The following POU6F2 variants were observed in gnomAD, a reference collection of about 807,000 sequenced individuals.
POU6F2 encodes POU class 6 homeobox 2.
Under a neutral mutation model 71.3 loss-of-function variants are expected in POU6F2, and 31 were observed. That is an observed-to-expected ratio of 0.43 (90% CI 0.33 to 0.59). The LOEUF is 0.59. Among genes scored for constraint, POU6F2 ranks in the 20% least tolerant of loss-of-function variants. The pLI is 0.04. For missense variants in POU6F2, 783 were observed against 856.8 expected (o/e 0.91, Z 1.07); for synonymous variants, 347 against 355.7 (o/e 0.98, Z 0.27).
chr7:39,368,810 A>G (rs373142942), intron 5 of POU6F2, among the ~76,000 whole-genome samples: 3 of 152,200 alleles, frequency 2.0e-5, no homozygotes, highest in South Asian at 2.1e-4. Context: ...TAAATGAAAC[A>G]ACAAAGCCTG....
chr7:39,022,955 C>A (rs2128707012), intron 1 of POU6F2, among the ~76,000 whole-genome samples: 1 of 152,198 alleles, frequency 6.6e-6, no homozygotes, highest in African/African-American at 2.4e-5. Context: ...TTTACACACT[C>A]AACAGTAGTG....
At chr7:39,124,570 T>C (rs73365514) in intron 2 of POU6F2, among the ~76,000 whole-genome samples, 4,963 of 152,224 alleles carry the variant, frequency 0.033, 264 homozygotes, top group African/African-American at 0.11. Context: ...AGAGTTTAAT[T>C]ATATTATTCT....
At chr7:39,175,815 C>T (rs1474836562) in intron 2 of POU6F2, among the ~76,000 whole-genome samples, 1 of 152,108 alleles carries the variant, frequency 6.6e-6, no homozygotes, top group Non-Finnish European at 1.5e-5. Flanking sequence ...TCCTCACATT[C>T]ACTCAGAAGA....
rs1279609673 is a variant in POU6F2 at position 39,268,474 on chromosome 7, G to A, written c.598+60854G>A. The stretch of plus-strand genomic sequence containing the variant: ...TGACTTTCAGTGGCTTTTTTTAAGC[G>A]GAGAGATAGAACTGCTGTTAAGTTG... On this transcript the variant is annotated intron_variant, in intron 4 of 9. Coordinates refer to ENST00000518318, the MANE Select transcript of POU6F2 (RefSeq NM_001370959.1). 3.9e-5 allele frequency among the ~76,000 whole-genome samples: 6 copies of A among 152,068 alleles called. 1 individual carries two copies. The highest frequency in any genetic ancestry group is 7.4e-5 in the Non-Finnish European group (5 of 68,022).
At chr7:39,201,364 C>T (rs548091607) in intron 2 of POU6F2, among the ~76,000 whole-genome samples, 16 of 152,132 alleles carry the variant, frequency 1.1e-4, no homozygotes, top group African/African-American at 3.9e-4. Context: ...TGGAATTTGC[C>T]AATAAGCTAA....
At chr7:39,178,187 G>A (rs1584584800) in intron 2 of POU6F2, among the ~76,000 whole-genome samples, 1 of 152,252 alleles carries the variant, frequency 6.6e-6, no homozygotes, top group African/African-American at 2.4e-5. Context: ...TCAGGTGGCA[G>A]AGGTTGCAGT....
intron 3 of POU6F2, among the ~76,000 whole-genome samples, chr7:39,207,097 A>AG (rs1794027881): frequency 6.6e-6 from 1 of 152,244 alleles, no homozygotes; most frequent in African/African-American, 2.4e-5. Context: ...ATATATGAAG[A>AG]TAGGATCAAA....
intron 6 of POU6F2, among the ~76,000 whole-genome samples, chr7:39,428,216 T>C (rs1284795275): frequency 6.6e-6 from 1 of 152,248 alleles, no homozygotes; most frequent in East Asian, 1.9e-4. Context: ...AACACTACTA[T>C]TTGAATGATT....
chr7:39,107,895 AT>A (rs1226575736), intron 2 of POU6F2, among the ~76,000 whole-genome samples: 28 of 152,172 alleles, frequency 1.8e-4, no homozygotes, highest in Non-Finnish European at 1.0e-4. Context: ...TTCCAATTTT[AT>A]TCTCTCTCCC....
chr7:39,197,752 CTG>C (rs1361358196), intron 2 of POU6F2, among the ~76,000 whole-genome samples: 11 of 152,210 alleles, frequency 7.2e-5, no homozygotes, highest in African/African-American at 2.4e-4. Context: ...GCTCTAAAAT[CTG>C]TGTCTGACTT....
chr7:39,424,665 T>C (rs1222738152), intron 6 of POU6F2, among the ~76,000 whole-genome samples: 2 of 152,204 alleles, frequency 1.3e-5, no homozygotes, highest in Non-Finnish European at 2.9e-5. Context: ...TTTGATTATA[T>C]TCAGGATCAA....
At chr7:39,016,591 T>G (rs1375744283) in intron 1 of POU6F2, among the ~76,000 whole-genome samples, 2 of 152,128 alleles carry the variant, frequency 1.3e-5, no homozygotes, top group Non-Finnish European at 2.9e-5. Flanking sequence ...AGACTCTAGC[T>G]AACCAAAGTC....
At chr7:39,120,603 T>C (rs746315195) in intron 2 of POU6F2, among the ~76,000 whole-genome samples, 1 of 152,258 alleles carries the variant, frequency 6.6e-6, no homozygotes, top group Non-Finnish European at 1.5e-5. Context: ...AACATGTTTC[T>C]ATTCCATTCT....
At chr7:39,385,449 G>A (rs1786917788) in intron 5 of POU6F2, among the ~76,000 whole-genome samples, 1 of 152,216 alleles carries the variant, frequency 6.6e-6, no homozygotes, top group African/African-American at 2.4e-5. Context: ...TGAGAGAGAA[G>A]TATGCTAGTC....
Position 39,371,232 on chromosome 7 carries a change from T to G in POU6F2, c.972+31217T>G, listed in dbSNP as rs528031486. ...TCTCGCTTTGTCACCCAGGCTGGAGTGCAGTGGCACGATCTTGGCTCACTG... is the reference window on the plus strand; with the variant it reads ...TCTCGCTTTGTCACCCAGGCTGGAGGGCAGTGGCACGATCTTGGCTCACTG... On this transcript the variant is annotated intron_variant, in intron 5 of 9. Transcript: ENST00000518318. Among the ~76,000 whole-genome samples, 97 of 151,202 alleles carry G rather than the reference T, an allele frequency of 6.4e-4. 1 individual carries two copies. In the South Asian group the frequency reaches 0.015, roughly 23 times the overall value.
intron 4 of POU6F2, among the ~76,000 whole-genome samples, chr7:39,282,132 G>A (rs752575342): frequency 3.0e-4 from 46 of 152,040 alleles, no homozygotes; most frequent in Non-Finnish European, 5.7e-4. Flanking sequence ...TTTAAAATCA[G>A]AGTATTTGTT....
intron 1 of POU6F2, among the ~76,000 whole-genome samples, chr7:38,978,992 A>C (rs1788247148): frequency 6.6e-6 from 1 of 152,148 alleles, no homozygotes; most frequent in African/African-American, 2.4e-5. Flanking sequence ...AGATAACTAA[A>C]GTGGTGGAAG....
intron 2 of POU6F2, among the ~76,000 whole-genome samples, chr7:39,149,740 A>G (rs1162204002): frequency 6.6e-6 from 1 of 152,088 alleles, no homozygotes; most frequent in Non-Finnish European, 1.5e-5. Context: ...CCCTTTATAT[A>G]TATGTGTGTG....
chr7:39,260,936 A>ACACACACCCTACATCACATG (rs1784126736), intron 4 of POU6F2, among the ~76,000 whole-genome samples: 1 of 151,814 alleles, frequency 6.6e-6, no homozygotes, highest in South Asian at 2.1e-4. Context: ...TCTCACACAT[A>ACACACACCCTACATCACATG]CACACACCCT....
Sources: gnomAD v4.1 joint callset for allele counts (sites outside exome capture counted in the v4.1 genomes callset) on GRCh38, gnomAD v4.1.1 for gene constraint, MANE v1.5 for transcripts, NCBI Gene and HGNC (gene_info 2026-07-23, HGNC 2026-07-21) for gene names.